PRPSAP2: variants seen among roughly 807,000 people sequenced by gnomAD.
PRPSAP2 encodes phosphoribosyl pyrophosphate synthetase associated protein 2.
PRPSAP2 carries 24 observed loss-of-function variants against 40.6 expected under a neutral mutation model. The ratio of observed to expected loss-of-function variants is 0.59; its 90% CI spans 0.43 to 0.83. PRPSAP2 has a LOEUF of 0.83. Among genes scored for constraint, PRPSAP2 ranks in the 40% least tolerant of loss-of-function variants. The pLI, the probability that PRPSAP2 is intolerant of heterozygous loss-of-function variation, is 0.00. For synonymous variants in PRPSAP2, 149 were observed against 164.7 expected, an observed-to-expected ratio of 0.90 and a Z score of 0.73; for missense variants, 292 against 465.6, an observed-to-expected ratio of 0.63 and a Z score of 3.43.
chr17:18,891,926 A>T (rs1480092906), intron 8 of PRPSAP2, among the ~76,000 whole-genome samples: 1 of 152,222 alleles, frequency 6.6e-6, no homozygotes, highest in Admixed American at 6.5e-5. Context: ...GCACGATCTC[A>T]GCTCACTGCA....
intron 8 of PRPSAP2, among the ~76,000 whole-genome samples, chr17:18,898,022 C>A: frequency 1.8e-5 from 2 of 108,556 alleles, no homozygotes; most frequent in East Asian, 3.0e-4. Flanking sequence ...TTTTTTGAGG[C>A]AGTGTCTCGC....
At chr17:18,922,435 C>T (rs752655748) in intron 9 of PRPSAP2, among the ~76,000 whole-genome samples, 28 of 152,144 alleles carry the variant, frequency 1.8e-4, no homozygotes, top group Middle Eastern at 3.2e-3. Context: ...TCCACATCCT[C>T]ATCAACACTT....
intron 8 of PRPSAP2, 35 bp downstream of exon 8, chr17:18,889,912 A>C (rs3826380): frequency 1.9e-6 from 3 of 1,585,850 alleles, no homozygotes; most frequent in Non-Finnish European, 2.6e-6. Context: ...TTCTGGATCT[A>C]CTTCTAAGGA....
At chr17:18,918,224 G>A (rs1219961568) in intron 9 of PRPSAP2, among the ~76,000 whole-genome samples, 3 of 152,196 alleles carry the variant, frequency 2.0e-5, no homozygotes, top group Admixed American at 6.5e-5. Context: ...GACTGAGCTT[G>A]AGTTTGCATC....
rs529900273 is a variant in PRPSAP2 at position 18,928,983 on chromosome 17, T to C, written c.951+26T>C. The C allele has an allele frequency of 1.9e-6, 3 of 1,599,406 alleles. No homozygotes were observed. In the East Asian group the frequency reaches 6.7e-5, roughly 36 times the overall value. On this transcript the variant is annotated intron_variant, in intron 11 of 11. Coordinates refer to ENST00000268835, the MANE Select transcript of PRPSAP2 (RefSeq NM_002767.4). Reference sequence around the variant, plus strand: ...GTAACAGGGTCTGGGTGTGTGTGGGTACAGCTGCCTGGGCTTTTGGCACAT... The same window carrying C: ...GTAACAGGGTCTGGGTGTGTGTGGGCACAGCTGCCTGGGCTTTTGGCACAT...
upstream of PRPSAP2, among the ~76,000 whole-genome samples, chr17:18,857,477 G>T (rs1418207718): frequency 6.7e-6 from 1 of 149,446 alleles, no homozygotes; most frequent in South Asian, 2.1e-4. Context: ...GCAGTGGCGC[G>T]ATCTCGGCTC....
At chr17:18,878,018 T>TC (rs2038426086) in intron 6 of PRPSAP2, 148 bp downstream of exon 6, 1 of 831,730 alleles carries the variant, frequency 1.2e-6, no homozygotes, top group Admixed American at 3.0e-5. Flanking sequence ...ACTCCTACAG[T>TC]CAAGCAGTCC....
intron 9 of PRPSAP2, chr17:18,917,589 T>TAC (rs1196321627): frequency 1.3e-3 from 53 of 40,448 alleles, no homozygotes; most frequent in Admixed American, 2.4e-3. Context: ...TTATTATTTT[T>TAC]TTTTTTTTTT....
intron 5 of PRPSAP2, among the ~76,000 whole-genome samples, chr17:18,877,423 A>T (rs1333248269): frequency 1.3e-5 from 2 of 152,082 alleles, no homozygotes; most frequent in African/African-American, 4.8e-5. Flanking sequence ...CCTCTGACTG[A>T]TGACTGAGGG....
intron 8 of PRPSAP2, 28 bp downstream of exon 8, chr17:18,889,905 T>A (rs936908027): frequency 1.9e-6 from 3 of 1,599,406 alleles, no homozygotes; most frequent in African/African-American, 1.3e-5. Flanking sequence ...AACCTCTTTC[T>A]GGATCTACTT....
chr17:18,884,722 G>T (rs1362862734), intron 7 of PRPSAP2, among the ~76,000 whole-genome samples: 3 of 152,212 alleles, frequency 2.0e-5, no homozygotes, highest in Non-Finnish European at 4.4e-5. Context: ...GGATGAAGAG[G>T]TTTAGGCAGA....
chr17:18,914,728 C>CT (rs2041198712), intron 9 of PRPSAP2, among the ~76,000 whole-genome samples: 1 of 136,610 alleles, frequency 7.3e-6, no homozygotes, highest in Non-Finnish European at 1.7e-5. Context: ...ATTTCACTGC[C>CT]CTTTTTTTTT....
At chr17:18,886,359 C>CTT (rs772700765) in intron 7 of PRPSAP2, among the ~76,000 whole-genome samples, 10 of 143,846 alleles carry the variant, frequency 7.0e-5, no homozygotes, top group African/African-American at 2.3e-4. Flanking sequence ...GCCATCTATA[C>CTT]TTTTTTTTTT....
At chr17:18,857,164 T>C (rs2036635938), upstream of PRPSAP2, among the ~76,000 whole-genome samples, 2 of 151,970 alleles carry the variant, frequency 1.3e-5, no homozygotes, top group African/African-American at 4.8e-5. Context: ...TGAAACCCTG[T>C]CTCTACTAAA....
intron 9 of PRPSAP2, among the ~76,000 whole-genome samples, chr17:18,912,068 G>T (rs1306511818): frequency 6.6e-6 from 1 of 152,160 alleles, no homozygotes; most frequent in African/African-American, 2.4e-5. Flanking sequence ...TGTAATCCCA[G>T]CTCCTTGGGA....
At chr17:18,903,001 C>G (rs544666733) in intron 8 of PRPSAP2, among the ~76,000 whole-genome samples, 1 of 152,138 alleles carries the variant, frequency 6.6e-6, no homozygotes, top group African/African-American at 2.4e-5. Flanking sequence ...GGGCTGTGTT[C>G]CCATGGCACT....
intron 7 of PRPSAP2, among the ~76,000 whole-genome samples, chr17:18,883,711 T>C (rs1343163871): frequency 6.6e-6 from 1 of 152,102 alleles, no homozygotes; most frequent in East Asian, 1.9e-4. Context: ...ATATAAATTA[T>C]TTCTCTCTTT....
At chr17:18,893,525 C>A (rs2039712167) in intron 8 of PRPSAP2, among the ~76,000 whole-genome samples, 2 of 151,480 alleles carry the variant, frequency 1.3e-5, no homozygotes, top group Non-Finnish European at 2.9e-5. Context: ...GAGGCTGAGG[C>A]AGAAGGATCA....
rs1277676899 is a variant in PRPSAP2, at chr17:18,864,182, A to AT, written c.-128-1286dup. 3.3e-5 allele frequency among the ~76,000 whole-genome samples: 5 copies of AT among 152,040 alleles called. No homozygotes were observed. In the East Asian group the frequency reaches 7.8e-4, roughly 24 times the overall value. ...TATAATTTTTATGGAGGTCACATGTATAAATGCATAGAAAAAGTCTTATGT... is the reference window on the plus strand; with the variant it reads ...TATAATTTTTATGGAGGTCACATGTATTAAATGCATAGAAAAAGTCTTATGT... On this transcript the variant is annotated intron_variant, in intron 1 of 11. Coordinates refer to ENST00000268835, the MANE Select transcript of PRPSAP2 (RefSeq NM_002767.4).
Sources: gnomAD v4.1 joint callset for allele counts (sites outside exome capture counted in the v4.1 genomes callset) on GRCh38, gnomAD v4.1.1 for gene constraint, MANE v1.5 for transcripts, NCBI Gene and HGNC (gene_info 2026-07-23, HGNC 2026-07-21) for gene names.